GALNT2: variants seen among roughly 807,000 people sequenced by gnomAD.
The protein encoded by GALNT2 is polypeptide N-acetylgalactosaminyltransferase 2, also known as UDP-GalNAc:polypeptide N-acetylgalactosaminyltransferase 2.
Under a neutral mutation model 81.4 loss-of-function variants are expected in GALNT2, and 31 were observed. The observed-to-expected ratio is 0.38, with a 90% CI of 0.29 to 0.51. The LOEUF is 0.51. Among genes scored for constraint, GALNT2 ranks in the 20% least tolerant of loss-of-function variants. The pLI, the probability that GALNT2 is intolerant of heterozygous loss-of-function variation, is 0.87. For synonymous variants in GALNT2, 303 were observed against 287.4 expected (o/e 1.05, Z -0.55); for missense variants, 629 against 765.7 (o/e 0.82, Z 2.11).
chr1:230,220,975 G>A (rs1340639134), intron 3 of GALNT2, among the ~76,000 whole-genome samples: 1 of 152,054 alleles, frequency 6.6e-6, no homozygotes, highest in East Asian at 1.9e-4. Context: ...ACTCAAAACT[G>A]GTTTTTTCTT....
At chr1:230,173,856 G>A (rs1484071108) in intron 1 of GALNT2, among the ~76,000 whole-genome samples, 1 of 152,188 alleles carries the variant, frequency 6.6e-6, no homozygotes, top group Non-Finnish European at 1.5e-5. Context: ...AACTTCCACT[G>A]CAGAGTAGGC....
chr1:230,176,613 G>A (rs1442213355), intron 1 of GALNT2, among the ~76,000 whole-genome samples: 1 of 152,146 alleles, frequency 6.6e-6, no homozygotes, highest in East Asian at 1.9e-4. Context: ...GTATTCACAT[G>A]TATCTCCTTA....
chr1:230,103,357 A>T (rs1660453961), intron 1 of GALNT2, among the ~76,000 whole-genome samples: 1 of 152,228 alleles, frequency 6.6e-6, no homozygotes, highest in South Asian at 2.1e-4. Context: ...CAACCTTGCT[A>T]CAGTCATGCA....
At chr1:230,152,346 G>A (rs1431705624) in intron 1 of GALNT2, among the ~76,000 whole-genome samples, 5 of 152,092 alleles carry the variant, frequency 3.3e-5, no homozygotes, top group Admixed American at 1.3e-4. Flanking sequence ...CTAGAATCTC[G>A]AACCTGACTC....
intron 1 of GALNT2, among the ~76,000 whole-genome samples, chr1:230,143,468 A>G (rs1480134413): frequency 6.6e-6 from 1 of 152,182 alleles, no homozygotes; most frequent in Non-Finnish European, 1.5e-5. Flanking sequence ...CCCATCCTTC[A>G]TGGGGTCCTG....
intron 2 of GALNT2, among the ~76,000 whole-genome samples, chr1:230,183,450 A>T (rs1663222710): frequency 6.6e-6 from 1 of 151,394 alleles, no homozygotes; most frequent in South Asian, 2.1e-4. Context: ...TATGTGTCTT[A>T]AAAAAAAATT....
intron 1 of GALNT2, among the ~76,000 whole-genome samples, chr1:230,100,451 G>A (rs1029982370): frequency 5.3e-5 from 8 of 150,654 alleles, no homozygotes; most frequent in Non-Finnish European, 1.0e-4. Context: ...TCAGCTTCCC[G>A]AGTAGCTGGG....
intron 10 of GALNT2, among the ~76,000 whole-genome samples, chr1:230,251,048 G>GT (rs955912437): frequency 3.3e-5 from 5 of 152,058 alleles, no homozygotes; most frequent in Admixed American, 6.6e-5. Flanking sequence ...CTGTTTGTTT[G>GT]TTTTTTTGTT....
chr1:230,130,919 C>T (rs1661347500), intron 1 of GALNT2, among the ~76,000 whole-genome samples: 1 of 152,142 alleles, frequency 6.6e-6, no homozygotes. Flanking sequence ...TGCCCTGCGT[C>T]TCATGGGAGC....
intron 1 of GALNT2, among the ~76,000 whole-genome samples, chr1:230,172,929 A>G (rs576064132): frequency 5.9e-5 from 9 of 152,290 alleles, no homozygotes; most frequent in African/African-American, 2.2e-4. Flanking sequence ...GTGCTCTCTG[A>G]TTATGGCAGG....
chr1:230,130,292 G>T (rs1661328131), intron 1 of GALNT2, among the ~76,000 whole-genome samples: 1 of 152,330 alleles, frequency 6.6e-6, no homozygotes, highest in Admixed American at 6.5e-5. Flanking sequence ...CGCTGCCGCA[G>T]CCAGGCCTCA....
chr1:230,216,135 C>G (rs565297485), intron 3 of GALNT2, among the ~76,000 whole-genome samples: 1 of 152,282 alleles, frequency 6.6e-6, no homozygotes, highest in Non-Finnish European at 1.5e-5. Context: ...GATCAATCTT[C>G]GAGTCCTAAC....
rs1394741912 is a variant in GALNT2, at chr1:230,210,122, A to G, written c.374+6832A>G. Among the ~76,000 whole-genome samples, 3 of 152,190 alleles carry G rather than the reference A, an allele frequency of 2.0e-5. No individual in the cohort carries two copies. In the East Asian group the frequency reaches 5.8e-4, roughly 29 times the overall value. On this transcript the variant is annotated intron_variant, in intron 3 of 15. Transcript: ENST00000366672. ...CAGGCTGGAGCGTTTCCGGGATCCA[A>G]ACTCCTTTCCAGGAGGGTTTTGATT...
chr1:230,241,593 C>T (rs1205255290), intron 6 of GALNT2, among the ~76,000 whole-genome samples: 2 of 152,024 alleles, frequency 1.3e-5, no homozygotes, highest in African/African-American at 4.8e-5. Flanking sequence ...ATTACAGGCG[C>T]ACGCCACCAC....
intron 10 of GALNT2, among the ~76,000 whole-genome samples, chr1:230,252,551 C>T (rs116560859): frequency 0.015 from 2,222 of 152,248 alleles, 22 homozygotes; most frequent in Middle Eastern, 0.027. Context: ...GGTCATGACA[C>T]CTTGCCCAGG....
intron 3 of GALNT2, among the ~76,000 whole-genome samples, chr1:230,218,570 A>G (rs1348775292): frequency 2.0e-5 from 3 of 152,212 alleles, no homozygotes; most frequent in Admixed American, 6.5e-5. Flanking sequence ...TTCAGGAAGC[A>G]TTGCTGGAAA....
At chr1:230,159,121 G>T (rs949870191) in intron 1 of GALNT2, among the ~76,000 whole-genome samples, 2 of 152,202 alleles carry the variant, frequency 1.3e-5, no homozygotes, top group Non-Finnish European at 2.9e-5. Context: ...CCTGTAATCC[G>T]CAAACATTCC....
At chr1:230,216,986 T>C (rs1664409616) in intron 3 of GALNT2, among the ~76,000 whole-genome samples, 1 of 152,202 alleles carries the variant, frequency 6.6e-6, no homozygotes, top group Non-Finnish European at 1.5e-5. Flanking sequence ...AAGATTTATT[T>C]TTATTCTTGG....
intron 3 of GALNT2, among the ~76,000 whole-genome samples, chr1:230,213,271 T>C (rs1299392229): frequency 6.6e-6 from 1 of 152,246 alleles, no homozygotes. Flanking sequence ...CGTAGCCTAG[T>C]AAGGATAACC....
Sources: allele counts gnomAD v4.1 joint callset (sites outside exome capture counted in the v4.1 genomes callset), GRCh38; gene constraint gnomAD v4.1.1; transcripts MANE v1.5; gene names NCBI Gene and HGNC (gene_info 2026-07-23, HGNC 2026-07-21).